Variants in NEURL1B observed in about 807,000 individuals in gnomAD.
NEURL1B encodes the protein E3 ubiquitin-protein ligase NEURL1B.
A neutral mutation model predicts 37.4 loss-of-function variants in NEURL1B; 13 were observed. The ratio of observed to expected loss-of-function variants is 0.35; its 90% CI spans 0.23 to 0.55. The LOEUF (loss-of-function observed/expected upper bound fraction) is 0.55, where lower values mean the gene tolerates loss of function less well. Among genes scored for constraint, NEURL1B ranks in the 20% least tolerant of loss-of-function variants. NEURL1B has a pLI of 0.89. For missense variants in NEURL1B, 790 were observed against 879.2 expected, an observed-to-expected ratio of 0.90 and a Z score of 1.28; for synonymous variants, 432 against 426.6, an observed-to-expected ratio of 1.01 and a Z score of -0.16.
intron 2 of NEURL1B, among the ~76,000 whole-genome samples, chr5:172,679,901 G>C (rs1003809620): frequency 6.6e-6 from 1 of 152,080 alleles, no homozygotes; most frequent in African/African-American, 2.4e-5. Context: ...CTCCCCAGCT[G>C]TGTGACCTCT....
intron 2 of NEURL1B, among the ~76,000 whole-genome samples, chr5:172,678,725 G>C (rs1758288041): frequency 6.6e-6 from 1 of 152,178 alleles, no homozygotes; most frequent in South Asian, 2.1e-4. Context: ...CCTTGCCTTG[G>C]ATCCATTCTG....
chr5:172,671,656 T>G (rs1328012844), intron 2 of NEURL1B, among the ~76,000 whole-genome samples: 4 of 152,242 alleles, frequency 2.6e-5, no homozygotes, highest in African/African-American at 9.6e-5. Flanking sequence ...TATTGCTAAG[T>G]ATGCTAAGTA....
At chr5:172,649,829 C>T (rs1020094797) in intron 1 of NEURL1B, among the ~76,000 whole-genome samples, 7 of 152,218 alleles carry the variant, frequency 4.6e-5, no homozygotes, top group East Asian at 3.9e-4. Flanking sequence ...TTTCAGATAG[C>T]GGCAGGTGTT....
At chr5:172,669,672 A>T (rs981559056) in intron 1 of NEURL1B, 113 bp from the exon 2 acceptor site, 3 of 813,502 alleles carry the variant, frequency 3.7e-6, no homozygotes, top group Non-Finnish European at 3.3e-6. Context: ...GTTTATCAGT[A>T]ACCAGTCCTG....
intron 2 of NEURL1B, among the ~76,000 whole-genome samples, chr5:172,673,624 G>T (rs1047142238): frequency 5.3e-5 from 8 of 151,974 alleles, no homozygotes; most frequent in African/African-American, 1.9e-4. Context: ...TTGACACAGG[G>T]TTTCACTCTT....
chr5:172,646,685 C>A (rs1003339287), intron 1 of NEURL1B, among the ~76,000 whole-genome samples: 3 of 152,152 alleles, frequency 2.0e-5, no homozygotes, highest in Non-Finnish European at 4.4e-5. Flanking sequence ...AGTTACAGTA[C>A]GCGGTCGGCA....
At chr5:172,679,648 C>T (rs965201901) in intron 2 of NEURL1B, among the ~76,000 whole-genome samples, 8 of 152,228 alleles carry the variant, frequency 5.3e-5, no homozygotes, top group African/African-American at 1.9e-4. Flanking sequence ...GCCATGCAAC[C>T]TTTTCTGAGG....
intron 1 of NEURL1B, among the ~76,000 whole-genome samples, chr5:172,653,355 A>G (rs1443187833): frequency 6.6e-6 from 1 of 152,190 alleles, no homozygotes; most frequent in East Asian, 1.9e-4. Flanking sequence ...TTTATACCAG[A>G]TAAGCTAAAT....
Position 172,669,976 on chromosome 5 carries a change from C to T in NEURL1B, c.223C>T (p.Pro75Ser). ...FCNGVTFTQR[P>S]IRLYEQVRLR... ...CAATGGCGTCACGTTCACGCAGCGG[C>T]CCATCCGGCTGTACGAGCAGGTGCG... is the stretch of plus-strand genomic sequence containing the variant. Residue 75 changes from proline to serine, a missense_variant, in exon 2 of 5, where the codon CCC becomes TCC. Physicochemically the swap from Pro to Ser is moderately conservative, Grantham distance 74. Around this residue, in one of 3 missense-constraint regions of NEURL1B, gnomAD observed 215 missense variants for 309.2 expected, o/e 0.70. Coordinates refer to ENST00000369800, the MANE Select transcript of NEURL1B (RefSeq NM_001142651.3). The T allele has an allele frequency of 2.1e-6, 3 of 1,461,382 alleles. No homozygotes were observed. Among genetic ancestry groups the T allele is most frequent in the Non-Finnish European group, 1.8e-6 (2 of 1,112,862 alleles). The allele number at this position is 1,461,382 out of a possible 1,614,324, so 90.5% of individuals were successfully genotyped here.
chr5:172,670,500 G>A (rs1436166931), intron 2 of NEURL1B, among the ~76,000 whole-genome samples, 170 bp downstream of exon 2: 2 of 152,210 alleles, frequency 1.3e-5, no homozygotes, highest in Non-Finnish European at 2.9e-5. Context: ...CCTACCCTCC[G>A]GTTTTACAGA....
At chr5:172,684,250 CG>C (rs1453974428) in intron 3 of NEURL1B, 112 bp downstream of exon 3, 34 of 958,846 alleles carry the variant, frequency 3.5e-5, no homozygotes, top group Non-Finnish European at 4.5e-5. Flanking sequence ...CTGCACCGCC[CG>C]AGGCCAGCCC....
intron 1 of NEURL1B, chr5:172,656,767 T>G: frequency 1.4e-6 from 1 of 730,978 alleles, no homozygotes; most frequent in South Asian, 1.5e-5. Flanking sequence ...AGGCAAAGAA[T>G]TGAACACACT....
chr5:172,672,748 TTC>T lies in NEURL1B; in HGVS notation c.577+2420_577+2421del, dbSNP rs112763650. Among the ~76,000 whole-genome samples, 789 of 152,262 alleles carry T rather than the reference TTC, an allele frequency of 5.2e-3. 6 individuals are homozygous for T. Among genetic ancestry groups the T allele is most frequent in the African/African-American group, 0.018 (754 of 41,540 alleles). On this transcript the variant is annotated intron_variant, in intron 2 of 4. Transcript: ENST00000369800. ...CCACAGGACAATGATCACAAAATTA[TTC>T]TGTCCTTTTTTTTTTAATCTGCCTC...
intron 1 of NEURL1B, among the ~76,000 whole-genome samples, chr5:172,646,844 T>C (rs755948815): frequency 7.7e-6 from 1 of 130,400 alleles, no homozygotes; most frequent in Non-Finnish European, 1.6e-5. Flanking sequence ...TGCAAAGGCC[T>C]GAGGGAGGGG....
intron 1 of NEURL1B, among the ~76,000 whole-genome samples, chr5:172,666,848 A>G (rs892050434): frequency 6.6e-6 from 1 of 152,116 alleles, no homozygotes; most frequent in African/African-American, 2.4e-5. Flanking sequence ...GAAGAGCCCA[A>G]GAAAGGGTTT....
intron 2 of NEURL1B, among the ~76,000 whole-genome samples, chr5:172,674,002 C>T (rs73319227): frequency 0.2 from 30,525 of 151,308 alleles, 4,141 homozygotes; most frequent in African/African-American, 0.4. Flanking sequence ...TAACCAGCCA[C>T]GGTGGCAGGC....
intron 1 of NEURL1B, among the ~76,000 whole-genome samples, chr5:172,646,148 G>A (rs1171436740): frequency 6.6e-6 from 1 of 152,214 alleles, no homozygotes; most frequent in Admixed American, 6.5e-5. Context: ...AGCAGTGCAA[G>A]GCTGGTGTTA....
Position 172,686,363 on chromosome 5 carries a change from G to A in NEURL1B, c.1423+67G>A. ...TGGCCTGGCTCCTCCGGCTGTGCCA[G>A]TGGCCTTCCAGGGACTGAGCAGGGT... is the stretch of plus-strand genomic sequence containing the variant. On this transcript the variant is annotated intron_variant, in intron 4 of 4. Coordinates refer to ENST00000369800, the MANE Select transcript of NEURL1B (RefSeq NM_001142651.3). This position sits in a 1 kb window ranked among gnomAD's most constrained non-coding sequence, Gnocchi z 7.9. 6.6e-7 allele frequency: 1 copy of A among 1,514,782 alleles called. No homozygotes were observed. Among genetic ancestry groups the A allele is most frequent in the Non-Finnish European group, 8.9e-7 (1 of 1,119,620 alleles). The allele number at this position is 1,514,782 out of a possible 1,614,324, so 93.8% of individuals were successfully genotyped here. A position where few individuals can be genotyped will look rare whatever the true frequency, so the allele number is the denominator to read the frequency against.
intron 1 of NEURL1B, among the ~76,000 whole-genome samples, chr5:172,660,643 T>C (rs1222841971): frequency 1.3e-5 from 2 of 152,150 alleles, no homozygotes; most frequent in African/African-American, 4.8e-5. Flanking sequence ...TTTTTTCTTT[T>C]CTCTTTATTT....
Sources: allele counts gnomAD v4.1 joint callset (sites outside exome capture counted in the v4.1 genomes callset), GRCh38; gene constraint gnomAD v4.1.1; regional missense constraint gnomAD v4.1.1; non-coding constraint Gnocchi (gnomAD v3.1); transcripts MANE v1.5; gene names NCBI Gene and HGNC (gene_info 2026-07-23, HGNC 2026-07-21).